Variants in SLC4A4 observed in about 807,000 individuals in gnomAD.
SLC4A4 encodes the protein electrogenic sodium bicarbonate cotransporter 1.
SLC4A4 carries 27 observed loss-of-function variants against 111.5 expected under a neutral mutation model. That is an observed-to-expected ratio of 0.24 (90% CI 0.18 to 0.33). The LOEUF (loss-of-function observed/expected upper bound fraction) is 0.33, where lower values mean the gene tolerates loss of function less well. Ranked by LOEUF, SLC4A4 falls within the 10% of genes least tolerant of loss-of-function variation. The probability of loss-of-function intolerance (pLI) is 1.00; values close to 1 mark genes in which losing one functional copy is unlikely to be tolerated. For synonymous variants in SLC4A4, 443 were observed against 463.4 expected (o/e 0.96, Z 0.57); for missense variants, 909 against 1,315.5 (o/e 0.69, Z 4.78).
chr4:71,406,367 C>T (rs1025217698), intron 7 of SLC4A4, among the ~76,000 whole-genome samples: 6 of 151,678 alleles, frequency 4.0e-5, no homozygotes, highest in Non-Finnish European at 8.8e-5. Flanking sequence ...TTCTACTGCT[C>T]CCCAATTTCC....
chr4:71,070,849 G>A (rs889439848), intron 1 of SLC4A4, among the ~76,000 whole-genome samples: 4 of 152,186 alleles, frequency 2.6e-5, no homozygotes, highest in African/African-American at 9.7e-5. Context: ...TGGGGCAGCA[G>A]TTCTGGTATG....
chr4:71,547,914 C>T (rs890915499), intron 20 of SLC4A4, among the ~76,000 whole-genome samples, 194 bp downstream of exon 20: 1 of 151,934 alleles, frequency 6.6e-6, no homozygotes, highest in Admixed American at 6.6e-5. Context: ...CATCCCCTCC[C>T]TTATCCTTAG....
At chr4:71,404,467 A>G (rs866057773) in intron 7 of SLC4A4, among the ~76,000 whole-genome samples, 10 of 152,206 alleles carry the variant, frequency 6.6e-5, no homozygotes, top group African/African-American at 2.4e-4. Flanking sequence ...GCTATTGCAT[A>G]TCTTAATAAA....
intron 2 of SLC4A4, among the ~76,000 whole-genome samples, chr4:71,164,856 A>G (rs1306170965): frequency 6.6e-6 from 1 of 150,618 alleles, no homozygotes; most frequent in African/African-American, 2.5e-5. Flanking sequence ...CAAATTTACA[A>G]GAAAAAAACA....
At chr4:71,121,107 T>TCCCCCAGC (rs1743406773) in intron 2 of SLC4A4, among the ~76,000 whole-genome samples, 1 of 151,920 alleles carries the variant, frequency 6.6e-6, no homozygotes, top group Non-Finnish European at 1.5e-5. Context: ...GGTCCCCCAG[T>TCCCCCAGC]AGGGCTGGCT....
At chr4:71,201,012 C>A (rs1746223540) in intron 1 of SLC4A4, among the ~76,000 whole-genome samples, 1 of 152,176 alleles carries the variant, frequency 6.6e-6, no homozygotes, top group Admixed American at 6.5e-5. Context: ...CAGGGTTTCC[C>A]TGTGCGAGTT....
At chr4:71,536,267 G>A (rs915279785) in intron 18 of SLC4A4, among the ~76,000 whole-genome samples, 5 of 150,820 alleles carry the variant, frequency 3.3e-5, no homozygotes, top group East Asian at 2.0e-4. Flanking sequence ...ATTCAAGGGG[G>A]TGAGGGGGGA....
At chr4:71,319,048 A>G (rs1421631028) in intron 3 of SLC4A4, among the ~76,000 whole-genome samples, 1 of 151,828 alleles carries the variant, frequency 6.6e-6, no homozygotes, top group East Asian at 1.9e-4. Flanking sequence ...TGTCTCTTGG[A>G]TTGCTGATTC....
intron 3 of SLC4A4, among the ~76,000 whole-genome samples, chr4:71,290,486 G>A (rs1724256906): frequency 6.6e-6 from 1 of 152,298 alleles, no homozygotes; most frequent in South Asian, 2.1e-4. Context: ...AGACCTATTC[G>A]ACTTCTCAAG....
intron 15 of SLC4A4, among the ~76,000 whole-genome samples, 174 bp downstream of exon 15, chr4:71,487,192 T>C (rs1226447278): frequency 6.6e-6 from 1 of 151,540 alleles, no homozygotes; most frequent in Non-Finnish European, 1.5e-5. Context: ...TCCTTTGCTC[T>C]AGTCAGCACT....
chr4:71,131,567 G>A (rs1269808420), intron 2 of SLC4A4, among the ~76,000 whole-genome samples: 1 of 152,204 alleles, frequency 6.6e-6, no homozygotes, highest in African/African-American at 2.4e-5. Context: ...CTATGTGGAA[G>A]TATATGCAAA....
chr4:71,234,959 A>T (rs1244811886), intron 1 of SLC4A4, among the ~76,000 whole-genome samples: 2 of 152,082 alleles, frequency 1.3e-5, no homozygotes, highest in Non-Finnish European at 2.9e-5. Flanking sequence ...GGTCAGGGTG[A>T]AAAGGAAGGA....
intron 2 of SLC4A4, among the ~76,000 whole-genome samples, chr4:71,173,811 C>G (rs1745010385): frequency 6.6e-6 from 1 of 152,140 alleles, no homozygotes; most frequent in Non-Finnish European, 1.5e-5. Flanking sequence ...GTAGGGAGTT[C>G]TGATAGACAT....
intron 2 of SLC4A4, among the ~76,000 whole-genome samples, chr4:71,164,672 G>A (rs1311547205): frequency 2.0e-5 from 3 of 152,030 alleles, no homozygotes; most frequent in African/African-American, 7.2e-5. Context: ...AACACCAAAA[G>A]CAATGGCAAC....
intron 1 of SLC4A4, among the ~76,000 whole-genome samples, chr4:71,198,142 T>C (rs1184174408): frequency 6.6e-6 from 1 of 152,214 alleles, no homozygotes; most frequent in Non-Finnish European, 1.5e-5. Flanking sequence ...GGATTTTATG[T>C]AAAGGTGAGA....
Position 71,334,186 on chromosome 4 carries a change from C to T in SLC4A4, c.254-5184C>T, listed in dbSNP as rs141908354. 5.9e-3 allele frequency among the ~76,000 whole-genome samples: 901 copies of T among 152,142 alleles called. 11 individuals carry two copies. The highest frequency in any genetic ancestry group is 0.019 in the African/African-American group (783 of 41,510). ...TCCATGGCAAGTACTTCCTGGGTAC[C>T]CTTGATGTTTATTCAAAGCCCAAGG... On this transcript the variant is annotated intron_variant, in intron 3 of 25. Coordinates refer to ENST00000264485, the MANE Select transcript of SLC4A4 (RefSeq NM_001098484.3).
intron 4 of SLC4A4, among the ~76,000 whole-genome samples, chr4:71,348,102 A>G (rs1178492291): frequency 6.6e-6 from 1 of 152,196 alleles, no homozygotes; most frequent in Non-Finnish European, 1.5e-5. Flanking sequence ...AGCAAGCATG[A>G]AAAGATGATA....
At chr4:71,417,484 A>G (rs1205858616) in intron 7 of SLC4A4, among the ~76,000 whole-genome samples, 1 of 152,180 alleles carries the variant, frequency 6.6e-6, no homozygotes, top group Non-Finnish European at 1.5e-5. Context: ...ACCTGTATTT[A>G]TATACAGTGG....
At chr4:71,472,635 G>GT (rs757435225) in intron 13 of SLC4A4, 64 bp from the exon 14 acceptor site, 155 of 1,531,054 alleles carry the variant, frequency 1.0e-4, no homozygotes, top group Non-Finnish European at 1.3e-4. Context: ...ACATTTGGTA[G>GT]TTTTATATTA....
Sources: gnomAD v4.1 joint callset for allele counts (sites outside exome capture counted in the v4.1 genomes callset) on GRCh38, gnomAD v4.1.1 for gene constraint, MANE v1.5 for transcripts, NCBI Gene and HGNC (gene_info 2026-07-23, HGNC 2026-07-21) for gene names.